Variants in RAPGEF1 observed in about 807,000 individuals in gnomAD.
The protein encoded by RAPGEF1 is Rap guanine nucleotide exchange factor 1.
A neutral mutation model predicts 143.3 loss-of-function variants in RAPGEF1; 33 were observed. The observed-to-expected ratio is 0.23, with a 90% CI of 0.17 to 0.31. RAPGEF1 has a LOEUF of 0.31. RAPGEF1 is among the 10% of genes least tolerant of loss of function. RAPGEF1 has a pLI of 1.00. For missense variants in RAPGEF1, 1,199 were observed against 1,645.4 expected, an observed-to-expected ratio of 0.73 and a Z score of 4.69; for synonymous variants, 629 against 676.5, an observed-to-expected ratio of 0.93 and a Z score of 1.09.
intron 1 of RAPGEF1, among the ~76,000 whole-genome samples, chr9:131,657,028 C>T (rs1234535116): frequency 1.3e-5 from 2 of 152,248 alleles, no homozygotes; most frequent in South Asian, 4.1e-4. Flanking sequence ...TCGAGGACAG[C>T]ACTAACTAGG....
In RAPGEF1 at chr9:131,641,063, C is replaced by T. The variant is rs917875598; in HGVS notation, c.494+2176G>A. On this transcript the variant is annotated intron_variant, in intron 4 of 26. Coordinates refer to ENST00000683357, the MANE Select transcript of RAPGEF1 (RefSeq NM_001377935.1). The surrounding 1 kb of genome is among the most constrained non-coding windows in gnomAD (Gnocchi z 4.6). ...ATTCAATGTCAATTAAGAGCCACCC[C>T]TCAATAGACAAAAAATACCCCCAGC... Among the ~76,000 whole-genome samples the T allele has an allele frequency of 2.9e-4, 44 of 152,146 alleles. No individual in the cohort carries two copies. The highest frequency in any genetic ancestry group is 1.5e-4 in the Non-Finnish European group (10 of 68,024).
intron 1 of RAPGEF1, among the ~76,000 whole-genome samples, chr9:131,693,225 T>C (rs1833905212): frequency 6.6e-6 from 1 of 152,188 alleles, no homozygotes; most frequent in Admixed American, 6.5e-5. Context: ...CCCAAAATAA[T>C]GATGACGGAG....
At chr9:131,625,500 T>A (rs748080352) in intron 10 of RAPGEF1, among the ~76,000 whole-genome samples, 3 of 152,084 alleles carry the variant, frequency 2.0e-5, no homozygotes, top group Non-Finnish European at 2.9e-5. Flanking sequence ...TAGACAGGGA[T>A]CCTTAGACAA....
chr9:131,719,426 C>T (rs912094563), intron 1 of RAPGEF1, among the ~76,000 whole-genome samples: 1 of 151,882 alleles, frequency 6.6e-6, no homozygotes, highest in African/African-American at 2.4e-5. Flanking sequence ...AGTCTTCAGT[C>T]TGTGATGTCT....
chr9:131,653,830 G>C (rs878866253), intron 1 of RAPGEF1, among the ~76,000 whole-genome samples: 2 of 152,168 alleles, frequency 1.3e-5, no homozygotes, highest in Non-Finnish European at 2.9e-5. Flanking sequence ...TAAGTCAAAG[G>C]AAAGTTCACA....
chr9:131,582,733 A>G, intron 24 of RAPGEF1, 31 bp from the exon 25 acceptor site: 1 of 1,536,476 alleles, frequency 6.5e-7, no homozygotes, highest in Non-Finnish European at 8.7e-7. Context: ...AGGACCGGAC[A>G]GGGGTGAGCG....
rs1313094466 is a variant in RAPGEF1, at chr9:131,587,661, G to C, written c.3233+75C>G. ...CCTTCTCCTACCATTCAAGCTCCCT[G>C]CAAAGGAAAACGCAGAGCCCACCCA... On this transcript the variant is annotated intron_variant, in intron 22 of 26. Coordinates refer to ENST00000683357, the MANE Select transcript of RAPGEF1 (RefSeq NM_001377935.1). 5.8e-6 allele frequency: 8 copies of C among 1,379,064 alleles called. No individual in the cohort carries two copies. The Admixed American group carries it at 1.6e-4, about 27-fold the overall frequency. 85.4% of individuals were successfully genotyped at this position (1,379,064 alleles called of 1,614,324 possible). A position where few individuals can be genotyped will look rare whatever the true frequency, so the allele number is the denominator to read the frequency against.
chr9:131,586,210 GCACGCACACA>G (rs1952707966), intron 22 of RAPGEF1, among the ~76,000 whole-genome samples: 1 of 124,694 alleles, frequency 8.0e-6, no homozygotes, highest in Non-Finnish European at 1.7e-5. Context: ...ACACACACAC[GCACGCACACA>G]CACACACACA....
intron 15 of RAPGEF1, among the ~76,000 whole-genome samples, chr9:131,599,276 C>T (rs1955856411): frequency 6.6e-6 from 1 of 152,052 alleles, no homozygotes; most frequent in Admixed American, 6.6e-5. Context: ...AGGCACAAGC[C>T]ACCATGCCTG....
rs889959592 is a variant in RAPGEF1, at chr9:131,621,029, A to G, written c.1905+767T>C. ...GGGAGCATGGCTGGACAAGAGGCTC[A>G]GATCTTCAAACCTGACTAGGGCCCT... On this transcript the variant is annotated intron_variant, in intron 11 of 26. Transcript: ENST00000683357. The surrounding 1 kb of genome is among the most constrained non-coding windows in gnomAD (Gnocchi z 4.5). Among the ~76,000 whole-genome samples the G allele has an allele frequency of 6.6e-6, 1 of 152,236 alleles. No homozygotes were observed. Among genetic ancestry groups the G allele is most frequent in the Non-Finnish European group, 1.5e-5 (1 of 68,040 alleles).
In RAPGEF1 at chr9:131,583,492, C is replaced by T. The variant is rs1160942732; in HGVS notation, c.3415-790G>A. On this transcript the variant is annotated intron_variant, in intron 24 of 26. Transcript: ENST00000683357. The surrounding 1 kb of genome is among the most constrained non-coding windows in gnomAD (Gnocchi z 4.7). ...ACCCCCAGGTGGCCTGGCTGACGCT[C>T]GGGTTCCTGACATGACCTCTGGGTG... Among the ~76,000 whole-genome samples, 1 of 151,600 alleles carries T rather than the reference C, an allele frequency of 6.6e-6. No individual in the cohort carries two copies. The highest frequency in any genetic ancestry group is 2.4e-5 in the African/African-American group (1 of 41,240).
intron 1 of RAPGEF1, among the ~76,000 whole-genome samples, chr9:131,666,856 A>G (rs1830516849): frequency 6.6e-6 from 1 of 152,196 alleles, no homozygotes; most frequent in Non-Finnish European, 1.5e-5. Flanking sequence ...CTGCTGGACT[A>G]GACGCACAGC....
At chr9:131,638,911 CT>C in intron 4 of RAPGEF1, 120 bp from the exon 5 acceptor site, 1 of 1,032,684 alleles carries the variant, frequency 9.7e-7, no homozygotes, top group Non-Finnish European at 1.4e-6. Flanking sequence ...AAAATCCATA[CT>C]GCCTTTTAAT....
chr9:131,637,814 A>G (rs372582840), intron 5 of RAPGEF1, among the ~76,000 whole-genome samples: 2 of 152,238 alleles, frequency 1.3e-5, no homozygotes, highest in South Asian at 2.1e-4. Flanking sequence ...CTATTTCATA[A>G]AAGAGTTACT....
chr9:131,610,057 C>T (rs1957794104), intron 12 of RAPGEF1, among the ~76,000 whole-genome samples: 1 of 152,144 alleles, frequency 6.6e-6, no homozygotes, highest in African/African-American at 2.4e-5. Flanking sequence ...TCGCCAGGTA[C>T]AACTGATTTT....
At chr9:131,610,040 G>T (rs2132617196) in intron 12 of RAPGEF1, among the ~76,000 whole-genome samples, 1 of 152,308 alleles carries the variant, frequency 6.6e-6, no homozygotes, top group Middle Eastern at 3.4e-3. Flanking sequence ...GGGAATATAG[G>T]CATGTGTCGC....
intron 1 of RAPGEF1, among the ~76,000 whole-genome samples, chr9:131,715,883 A>G (rs537960256): frequency 1.5e-4 from 23 of 151,160 alleles, no homozygotes; most frequent in African/African-American, 5.6e-4. Context: ...AAAAAAAAAA[A>G]GAGGTTAAGA....
At chr9:131,709,742 T>C (rs761458883) in intron 1 of RAPGEF1, 183 of 1,611,864 alleles carry the variant, frequency 1.1e-4, no homozygotes, top group Non-Finnish European at 1.4e-4. Context: ...GAGCAGCAAC[T>C]GAGGACCGAG....
At chr9:131,726,270 C>A (rs1836661838) in intron 1 of RAPGEF1, among the ~76,000 whole-genome samples, 1 of 152,128 alleles carries the variant, frequency 6.6e-6, no homozygotes, top group African/African-American at 2.4e-5. Flanking sequence ...GCCGATTACA[C>A]ACTTTATGGT....
Sources: gnomAD v4.1 joint callset for allele counts (sites outside exome capture counted in the v4.1 genomes callset) on GRCh38, gnomAD v4.1.1 for gene constraint, Gnocchi (gnomAD v3.1) non-coding constraint, MANE v1.5 for transcripts, NCBI Gene and HGNC (gene_info 2026-07-23, HGNC 2026-07-21) for gene names.